The following ROBO1 variants were observed in gnomAD, a reference collection of about 807,000 sequenced individuals.
The protein encoded by ROBO1 is roundabout homolog 1.
In ROBO1, 149 loss-of-function variants were observed where a neutral mutation model predicts 195.9. That is an observed-to-expected ratio of 0.76 (90% confidence interval 0.67 to 0.87). ROBO1 has a LOEUF of 0.87. ROBO1 is among the 40% of genes least tolerant of loss of function. The pLI is 0.00. For synonymous variants in ROBO1, 816 were observed against 733.2 expected, an observed-to-expected ratio of 1.11 and a Z score of -1.82; for missense variants, 1,933 against 2,068.3, an observed-to-expected ratio of 0.93 and a Z score of 1.27.
intron 22 of ROBO1, among the ~76,000 whole-genome samples, chr3:78,637,016 C>A (rs1360026336): frequency 1.5e-5 from 2 of 130,792 alleles, no homozygotes; most frequent in Admixed American, 7.9e-5. Context: ...GAACTGAAAT[C>A]ATATTTTTAA....
chr3:78,963,274 C>A (rs868211237), intron 3 of ROBO1, among the ~76,000 whole-genome samples: 2 of 151,816 alleles, frequency 1.3e-5, no homozygotes, highest in South Asian at 4.2e-4. Flanking sequence ...GTACCAAAAG[C>A]AAAATATATA....
At chr3:79,282,474 C>T (rs866571255) in intron 2 of ROBO1, among the ~76,000 whole-genome samples, 13 of 152,032 alleles carry the variant, frequency 8.6e-5, no homozygotes, top group African/African-American at 1.9e-4. Context: ...TTGACAAGGG[C>T]GTGAACAAGA....
At chr3:79,093,728 G>T (rs2079518797) in intron 3 of ROBO1, among the ~76,000 whole-genome samples, 1 of 151,782 alleles carries the variant, frequency 6.6e-6, no homozygotes, top group Admixed American at 6.6e-5. Context: ...ATGAAATATA[G>T]AATACAGAAG....
At chr3:79,510,503 C>A (rs1313070645) in intron 2 of ROBO1, among the ~76,000 whole-genome samples, 1 of 151,884 alleles carries the variant, frequency 6.6e-6, no homozygotes, top group Non-Finnish European at 1.5e-5. Context: ...TTGCAATCCA[C>A]ACCAGATTTT....
intron 3 of ROBO1, among the ~76,000 whole-genome samples, chr3:79,038,724 A>C (rs959472294): frequency 6.6e-6 from 1 of 152,064 alleles, no homozygotes; most frequent in African/African-American, 2.4e-5. Context: ...TAAAAAAAAA[A>C]AAAAAACTCT....
At chr3:78,997,994 T>C (rs910643405) in intron 3 of ROBO1, among the ~76,000 whole-genome samples, 1 of 152,176 alleles carries the variant, frequency 6.6e-6, no homozygotes, top group African/African-American at 2.4e-5. Flanking sequence ...GACTTCATTA[T>C]TTTCTTCCCA....
intron 2 of ROBO1, among the ~76,000 whole-genome samples, chr3:79,256,026 A>T (rs1258509673): frequency 6.6e-6 from 1 of 152,172 alleles, no homozygotes; most frequent in African/African-American, 2.4e-5. Flanking sequence ...GCAGACTAGT[A>T]ATCTCCATTG....
chr3:79,336,963 A>T (rs2034697546), intron 2 of ROBO1, among the ~76,000 whole-genome samples: 1 of 152,200 alleles, frequency 6.6e-6, no homozygotes, highest in East Asian at 1.9e-4. Flanking sequence ...TTAAAGTTTA[A>T]TGACTGCCCC....
At chr3:78,995,688 C>G (rs1236986295) in intron 3 of ROBO1, among the ~76,000 whole-genome samples, 2 of 151,376 alleles carry the variant, frequency 1.3e-5, no homozygotes, top group Non-Finnish European at 2.9e-5. Context: ...ATCACATGAG[C>G]CCACGAGGTC....
At position 79,327,776 on chromosome 3, in the gene ROBO1, G is replaced by A. The variant is rs144344313; in HGVS notation, c.89-202237C>T. 6.6e-5 allele frequency among the ~76,000 whole-genome samples: 10 copies of A among 152,128 alleles called. No individual in the cohort carries two copies. In the East Asian group the frequency reaches 1.9e-3, roughly 29 times the overall value. On this transcript the variant is annotated intron_variant, in intron 2 of 30. Coordinates refer to ENST00000464233, the MANE Select transcript of ROBO1 (RefSeq NM_002941.4). Reference sequence around the variant, plus strand: ...AGTCCTCATCAATCCTTAACTAAGGGCTTATTCTTTGGGAATGATGCATAT... The same window carrying A: ...AGTCCTCATCAATCCTTAACTAAGGACTTATTCTTTGGGAATGATGCATAT...
At chr3:79,665,620 T>C (rs1946455307) in intron 1 of ROBO1, among the ~76,000 whole-genome samples, 1 of 151,922 alleles carries the variant, frequency 6.6e-6, no homozygotes, top group Non-Finnish European at 1.5e-5. Context: ...GCAGTGGTTG[T>C]ACTCTACTCT....
intron 4 of ROBO1, among the ~76,000 whole-genome samples, chr3:78,907,304 A>AC (rs1323404160): frequency 6.6e-6 from 1 of 152,136 alleles, no homozygotes; most frequent in African/African-American, 2.4e-5. Flanking sequence ...AACAACAACA[A>AC]AAAAAACAAC....
intron 2 of ROBO1, among the ~76,000 whole-genome samples, chr3:79,293,365 T>C (rs73122565): frequency 0.094 from 14,375 of 152,244 alleles, 761 homozygotes; most frequent in Middle Eastern, 0.14. Flanking sequence ...GGACTTTTTA[T>C]ATATCTATCT....
At chr3:79,605,766 G>C (rs150077900) in intron 1 of ROBO1, among the ~76,000 whole-genome samples, 77 of 151,784 alleles carry the variant, frequency 5.1e-4, no homozygotes, top group Non-Finnish European at 2.7e-4. Context: ...ATTTCCTTCT[G>C]TCTTCAACAT....
chr3:78,938,743 T>C lies in ROBO1; in HGVS notation c.357A>G (p.Arg119=), dbSNP rs1476757999. Residue 119 remains arginine (R), a synonymous_variant, in exon 4 of 31, where the codon CGA becomes CGG. Transcript: ENST00000464233. The part of the protein sequence containing the change: ...ETDKDDPRSH[R]MLLPSGSLFF... ...ATAAAGATCCACTCGGCAGCAACAT[T>C]CGGTGTGAGCGAGGGTCATCTTTGT... The C allele has an allele frequency of 1.9e-6, 3 of 1,613,988 alleles. No homozygotes were observed. The highest frequency in any genetic ancestry group is 2.5e-6 in the Non-Finnish European group (3 of 1,179,884).
At position 78,748,982 on chromosome 3, in the gene ROBO1, G is replaced by C. The variant is rs192182944; in HGVS notation, c.500-2082C>G. Among the ~76,000 whole-genome samples, 526 of 152,194 alleles carry C rather than the reference G, an allele frequency of 3.5e-3. 3 individuals are homozygous for C. The highest frequency in any genetic ancestry group is 6.4e-3 in the Non-Finnish European group (438 of 67,990). Reference sequence around the variant, plus strand: ...TGTTAAACTGAAAACTCCAGCTACTGTTACCACATAATAAAAGAACAGAGT... The same window carrying C: ...TGTTAAACTGAAAACTCCAGCTACTCTTACCACATAATAAAAGAACAGAGT... On this transcript the variant is annotated intron_variant, in intron 4 of 30. Coordinates refer to ENST00000464233, the MANE Select transcript of ROBO1 (RefSeq NM_002941.4).
intron 8 of ROBO1, among the ~76,000 whole-genome samples, chr3:78,697,788 A>G (rs1445702264): frequency 6.6e-6 from 1 of 152,190 alleles, no homozygotes; most frequent in Non-Finnish European, 1.5e-5. Flanking sequence ...ATATAATGAC[A>G]GAAGATTGCT....
intron 4 of ROBO1, among the ~76,000 whole-genome samples, chr3:78,826,512 G>T (rs564458015): frequency 1.4e-4 from 21 of 152,256 alleles, no homozygotes; most frequent in Non-Finnish European, 2.8e-4. Flanking sequence ...ATAAGCATTT[G>T]CTTAGTGTAC....
chr3:78,658,647 GTCTAAAC>G (rs1707190313), intron 17 of ROBO1, among the ~76,000 whole-genome samples: 2 of 152,166 alleles, frequency 1.3e-5, no homozygotes, highest in South Asian at 4.1e-4. Flanking sequence ...GTAGACAATT[GTCTAAAC>G]TCTAATAGGA....
Sources: gnomAD v4.1 joint callset for allele counts (sites outside exome capture counted in the v4.1 genomes callset) on GRCh38, gnomAD v4.1.1 for gene constraint, MANE v1.5 for transcripts, NCBI Gene and HGNC (gene_info 2026-07-23, HGNC 2026-07-21) for gene names.